The following TAC1 variants were observed in gnomAD, a reference collection of about 807,000 sequenced individuals.
TAC1 encodes the protein protachykinin-1.
In TAC1, 12 loss-of-function variants were observed where a neutral mutation model predicts 21.7. The ratio of observed to expected loss-of-function variants is 0.55; its 90% confidence interval spans 0.35 to 0.89. The LOEUF (loss-of-function observed/expected upper bound fraction) is 0.89. Among genes scored for constraint, TAC1 ranks in the 40% least tolerant of loss-of-function variants. The probability of loss-of-function intolerance (pLI) is 0.01; values close to 1 mark genes in which losing one functional copy is unlikely to be tolerated. For missense variants in TAC1, 128 were observed against 151.4 expected (o/e 0.85, Z 0.81); for synonymous variants, 52 against 52.0 (o/e 1.00, Z 0.00).
In TAC1 at chr7:97,733,729, C is replaced by A. The variant is rs1174079359; in HGVS notation, c.130C>A (p.Leu44Met). 1.2e-6 allele frequency: 2 copies of A among 1,614,074 alleles called. No individual in the cohort carries two copies. Among genetic ancestry groups the A allele is most frequent in the Admixed American group, 3.3e-5 (2 of 60,024 alleles). The change falls in exon 3 of 7, where the codon CTG (leucine) becomes ATG (methionine). Residue 44 changes from leucine to methionine, a missense_variant. By Grantham distance (15) the Leu-to-Met change is conservative. Transcript: ENST00000319273. ...WYDSDQIKEE[L>M]PEPFEHLLQR... ...CCGTGCTTTTGTCTCCCAGGAGGAACTGCCGGAGCCCTTTGAGCATCTTCT... is the reference window on the plus strand; with the variant it reads ...CCGTGCTTTTGTCTCCCAGGAGGAAATGCCGGAGCCCTTTGAGCATCTTCT...
intron 5 of TAC1, among the ~76,000 whole-genome samples, chr7:97,735,275 T>A (rs901223883): frequency 3.3e-5 from 5 of 152,120 alleles, no homozygotes; most frequent in African/African-American, 1.2e-4. Flanking sequence ...AATGATGTCA[T>A]TTATTAGGGT....
At chr7:97,736,153 CTT>C in intron 5 of TAC1, 144 bp from the exon 6 acceptor site, 1 of 556,582 alleles carries the variant, frequency 1.8e-6, no homozygotes, top group East Asian at 3.1e-5. Flanking sequence ...TTTAAGGAAT[CTT>C]TATTTCTTCA....
rs186329170 is a variant in TAC1, at chr7:97,736,363, A to G, written c.343+11A>G. On this transcript the variant is annotated intron_variant, in intron 6 of 6. Coordinates refer to ENST00000319273, the MANE Select transcript of TAC1 (RefSeq NM_003182.3). ...GAGCTTTAAATTCTGGTATGTATGAAATTATGACTGAAAATAGACAGTATC... is the reference window on the plus strand; with the variant it reads ...GAGCTTTAAATTCTGGTATGTATGAGATTATGACTGAAAATAGACAGTATC... 2 of 1,604,802 alleles carry G rather than the reference A, an allele frequency of 1.2e-6. No individual in the cohort carries two copies. The highest frequency in any genetic ancestry group is 1.7e-5 in the Admixed American group (1 of 59,274).
chr7:97,734,409 T>C lies in TAC1; in HGVS notation c.265+117T>C, dbSNP rs541253652. On this transcript the variant is annotated intron_variant, in intron 4 of 6. Coordinates refer to ENST00000319273, the MANE Select transcript of TAC1 (RefSeq NM_003182.3). The stretch of plus-strand genomic sequence containing the variant: ...GGGTCATGCCTGTTTAATAAAGAGA[T>C]GGATTTGCGCACTCTCTCTCGGTTT... 3 of 854,426 alleles carry C rather than the reference T, an allele frequency of 3.5e-6. No homozygotes were observed. In the South Asian group the frequency reaches 4.8e-5, roughly 14 times the overall value. 52.9% of individuals were successfully genotyped at this position (854,426 alleles called of 1,614,324 possible). A position where few individuals can be genotyped will look rare whatever the true frequency, so the allele number is the denominator to read the frequency against.
chr7:97,733,796 G>C lies in TAC1; in HGVS notation c.197G>C (p.Gly66Ala), dbSNP rs1789495416. ...ARRPKPQQFF[G>A]LMGKRDADSS... ...AGACCCAAGCCTCAGCAGTTCTTTG[G>C]ATTAATGGGCAAACGGGATGCTGGT... Residue 66 changes from glycine to alanine, a missense_variant, in exon 3 of 7, where the codon GGA becomes GCA. Coordinates refer to ENST00000319273, the MANE Select transcript of TAC1 (RefSeq NM_003182.3). The C allele has an allele frequency of 1.2e-6, 2 of 1,614,022 alleles. No homozygotes were observed. Among genetic ancestry groups the C allele is most frequent in the African/African-American group, 1.3e-5 (1 of 74,922 alleles).
intron 4 of TAC1, among the ~76,000 whole-genome samples, 158 bp downstream of exon 4, chr7:97,734,450 ACT>A (rs959303696): frequency 7.0e-6 from 1 of 143,202 alleles, no homozygotes; most frequent in Non-Finnish European, 1.5e-5. Context: ...TCTCTCTGTC[ACT>A]CTCTCTGTCT....
At chr7:97,738,615 A>C (rs546453502) in intron 6 of TAC1, among the ~76,000 whole-genome samples, 1 of 148,990 alleles carries the variant, frequency 6.7e-6, no homozygotes, top group South Asian at 2.1e-4. Flanking sequence ...GTGCATACTT[A>C]ATTGATGTAA....
intron 5 of TAC1, 91 bp from the exon 6 acceptor site, chr7:97,736,193 TATTTATTATACAGAC>T: frequency 1.2e-6 from 1 of 845,872 alleles, no homozygotes; most frequent in Non-Finnish European, 1.8e-6. Context: ...AGTAGATAGA[TATTTATTATACAGAC>T]ATATATTCAG....
intron 3 of TAC1, 154 bp downstream of exon 3, chr7:97,733,973 AGGCACGCACG>A: frequency 1.3e-6 from 1 of 788,844 alleles, no homozygotes; most frequent in African/African-American, 1.7e-5. Flanking sequence ...CACCGCACTA[AGGCACGCACG>A]GGCCCGCGGG....
intron 2 of TAC1, among the ~76,000 whole-genome samples, chr7:97,733,367 T>G (rs1789479257): frequency 6.6e-6 from 1 of 151,176 alleles, no homozygotes; most frequent in Non-Finnish European, 1.5e-5. Flanking sequence ...CTGTGTGCAT[T>G]TAGGGCGGTG....
chr7:97,733,848 T>C, intron 3 of TAC1, 29 bp downstream of exon 3: 1 of 1,608,220 alleles, frequency 6.2e-7, no homozygotes, highest in Non-Finnish European at 8.5e-7. Context: ...CCTAGGTGTC[T>C]TGGGCAGCCC....
intron 6 of TAC1, among the ~76,000 whole-genome samples, chr7:97,738,598 C>T (rs1050006054): frequency 4.0e-5 from 6 of 151,816 alleles, no homozygotes; most frequent in African/African-American, 1.4e-4. Context: ...ACTGTTCTGC[C>T]TCACAAGTGC....
In TAC1 at chr7:97,736,326, T is replaced by A; in HGVS notation, c.317T>A (p.Leu106Gln). 2 of 1,611,878 alleles carry A rather than the reference T, an allele frequency of 1.2e-6. No individual in the cohort carries two copies. The highest frequency in any genetic ancestry group is 1.1e-5 in the South Asian group (1 of 90,898). ...CATAAAACAGATTCCTTTGTTGGACTAATGGGCAAAAGAGCTTTAAATTCT... is the reference window on the plus strand; with the variant it reads ...CATAAAACAGATTCCTTTGTTGGACAAATGGGCAAAAGAGCTTTAAATTCT... ...KRHKTDSFVG[L>Q]MGKRALNSVA... The change falls in exon 6 of 7, where the codon CTA (leucine) becomes CAA (glutamine). Residue 106 changes from leucine to glutamine, a missense_variant. Coordinates refer to ENST00000319273, the MANE Select transcript of TAC1 (RefSeq NM_003182.3).
chr7:97,733,373 C>G (rs760645854), intron 2 of TAC1, among the ~76,000 whole-genome samples: 97 of 152,118 alleles, frequency 6.4e-4, no homozygotes, highest in Middle Eastern at 3.4e-3. Context: ...GCATTTAGGG[C>G]GGTGAGGACT....
At position 97,732,637 on chromosome 7, in the gene TAC1, G is replaced by C. The variant is rs769720316; in HGVS notation, c.25G>C (p.Val9Leu). 1 of 1,614,146 alleles carries C rather than the reference G, an allele frequency of 6.2e-7. No individual in the cohort carries two copies. Among genetic ancestry groups the C allele is most frequent in the Non-Finnish European group, 8.5e-7 (1 of 1,180,024 alleles). Residue 9 changes from valine to leucine, a missense_variant, in exon 2 of 7, where the codon GTC becomes CTC. Coordinates refer to ENST00000319273, the MANE Select transcript of TAC1 (RefSeq NM_003182.3). This position sits in a 1 kb window ranked among gnomAD's most constrained non-coding sequence, Gnocchi z 6.2. ...CATGAAAATCCTCGTGGCCTTGGCA[G>C]TCTTTTTTCTTGTCTCCACTCAGCT... Reference protein sequence around the residue: MKILVALAVFFLVSTQLFA... With the variant: MKILVALALFFLVSTQLFA...
rs201382322 is a variant in TAC1 at position 97,732,624 on chromosome 7, C to T, written c.12C>T (p.Leu4=). MKI[L]VALAVFFLVS... ...CCCAGAAATCCAACATGAAAATCCTCGTGGCCTTGGCAGTCTTTTTTCTTG... is the reference window on the plus strand; with the variant it reads ...CCCAGAAATCCAACATGAAAATCCTTGTGGCCTTGGCAGTCTTTTTTCTTG... Residue 4 remains leucine (L), a synonymous_variant, in exon 2 of 7, where the codon CTC becomes CTT. Transcript: ENST00000319273. The surrounding 1 kb of genome is among the most constrained non-coding windows in gnomAD (Gnocchi z 6.2). 9 of 1,614,156 alleles carry T rather than the reference C, an allele frequency of 5.6e-6. No individual in the cohort carries two copies. Among genetic ancestry groups the T allele is most frequent in the Non-Finnish European group, 8.5e-7 (1 of 1,180,022 alleles).
At position 97,733,779 on chromosome 7, in the gene TAC1, G is replaced by C. The variant is rs200641731; in HGVS notation, c.180G>C (p.Lys60Asn). ...HLLQRIARRP[K>N]PQQFFGLMGK... The stretch of plus-strand genomic sequence containing the variant: ...TGCAGAGAATCGCCCGGAGACCCAA[G>C]CCTCAGCAGTTCTTTGGATTAATGG... Residue 60 changes from lysine to asparagine, a missense_variant, in exon 3 of 7, where the codon AAG becomes AAC. Transcript: ENST00000319273. 2 of 1,614,172 alleles carry C rather than the reference G, an allele frequency of 1.2e-6. No homozygotes were observed. Among genetic ancestry groups the C allele is most frequent in the African/African-American group, 1.3e-5 (1 of 75,050 alleles).
chr7:97,733,095 C>G (rs940025205), intron 2 of TAC1: 1 of 201,048 alleles, frequency 5.0e-6, no homozygotes, highest in Non-Finnish European at 1.0e-5. Context: ...CGTCTGGGCA[C>G]GGGCAGAGGA....
At chr7:97,739,214 C>T (rs1789645935) in intron 6 of TAC1, among the ~76,000 whole-genome samples, 1 of 151,860 alleles carries the variant, frequency 6.6e-6, no homozygotes. Context: ...TGAGGGCAGT[C>T]CATCACTGGG....
Sources: allele counts gnomAD v4.1 joint callset (sites outside exome capture counted in the v4.1 genomes callset), GRCh38; gene constraint gnomAD v4.1.1; non-coding constraint Gnocchi (gnomAD v3.1); transcripts MANE v1.5; gene names NCBI Gene and HGNC (gene_info 2026-07-23, HGNC 2026-07-21).